The following MFRP variants were observed in gnomAD, a reference collection of about 807,000 sequenced individuals.
MFRP encodes C1q and TNF related 5.
Under a neutral mutation model 65.8 loss-of-function variants are expected in MFRP, and 74 were observed. That is an observed-to-expected ratio of 1.12 (90% CI 0.93 to 1.36). MFRP has a LOEUF of 1.36. MFRP is among the 40% of genes most tolerant of loss of function. The pLI, the probability that MFRP is intolerant of heterozygous loss-of-function variation, is 0.00. For missense variants in MFRP, 838 were observed against 736.0 expected (o/e 1.14, Z -1.60); for synonymous variants, 336 against 288.3 (o/e 1.17, Z -1.68).
chr11:119,345,569 G>C lies in MFRP; in HGVS notation c.492C>G (p.Tyr164Ter), dbSNP rs36015759. ...GCCACACGCAGTGGGTGTTGGGGGGGTAAGGGTCTGGGTAGTTAGGGCTGC... is the reference window on the plus strand; with the variant it reads ...GCCACACGCAGTGGGTGTTGGGGGGCTAAGGGTCTGGGTAGTTAGGGCTGC... ...FFSSPNYPDPYPPNTHCVWHI... is the reference protein window; with the variant it reads ...FFSSPNYPDP Residue 164 changes from tyrosine to a stop codon, truncating the protein, a stop_gained, in exon 5 of 15, where the codon TAC (tyrosine) becomes TAG (stop). Transcript: ENST00000619721. LOFTEE classifies it high-confidence loss of function. 1 of 1,613,764 alleles carries C rather than the reference G, an allele frequency of 6.2e-7. No homozygotes were observed. The highest frequency in any genetic ancestry group is 8.5e-7 in the Non-Finnish European group (1 of 1,179,956).
At position 119,345,006 on chromosome 11, in the gene MFRP, T is replaced by C. The variant is rs376898612; in HGVS notation, c.642-2A>G. The C allele has an allele frequency of 2.2e-4, 349 of 1,603,336 alleles. No individual in the cohort carries two copies. Among genetic ancestry groups the C allele is most frequent in the Non-Finnish European group, 2.9e-4 (337 of 1,176,250 alleles). On this transcript the variant is annotated splice_acceptor_variant, in intron 5 of 14. Transcript: ENST00000619721. LOFTEE classifies it high-confidence loss of function. ...GGGGGAGGCACCCTTCCACAAACCCTGCAAGAAGCCAGGTTGGGGGTGAGG... is the reference window on the plus strand; with the variant it reads ...GGGGGAGGCACCCTTCCACAAACCCCGCAAGAAGCCAGGTTGGGGGTGAGG...
In MFRP at chr11:119,341,412, T is replaced by C; in HGVS notation, c.*136A>G. ...GTCCCATGAGCCCCAGCTGAGGACT[T>C]CTCTTCCCCCTCCCTGGGAGCCCCA... On this transcript the variant is annotated 3_prime_UTR_variant, in exon 13 of 15. Coordinates refer to ENST00000619721, the MANE Select transcript of MFRP (RefSeq NM_031433.4). 1.4e-6 allele frequency: 1 copy of C among 726,564 alleles called. No individual in the cohort carries two copies. Among genetic ancestry groups the C allele is most frequent in the Non-Finnish European group, 2.3e-6 (1 of 444,246 alleles). The allele number at this position is 726,564 out of a possible 1,614,324, so 45.0% of individuals were successfully genotyped here.
At chr11:119,344,417 A>C (rs374356093) in intron 7 of MFRP, 26 bp from the exon 8 acceptor site, 35 of 1,607,660 alleles carry the variant, frequency 2.2e-5, no homozygotes, top group Non-Finnish European at 2.6e-5. Context: ...AGGGCTCATG[A>C]GTTTGCTAGG....
Position 119,340,850 on chromosome 11 carries a change from C to T in MFRP, c.*698G>A, listed in dbSNP as rs75463316. 312 of 189,838 alleles carry T rather than the reference C, an allele frequency of 1.6e-3. 9 individuals carry two copies. In the East Asian group the frequency reaches 0.036, roughly 22 times the overall value. The allele number at this position is 189,838 out of a possible 1,614,324, so 11.8% of individuals were successfully genotyped here. A position where few individuals can be genotyped will look rare whatever the true frequency, so the allele number is the denominator to read the frequency against. The stretch of plus-strand genomic sequence containing the variant: ...TTCGCTCCCTGCCGGCTCCGCTTTC[C>T]TCCTCCCAGACTCCAAGAGGAAACC... On this transcript the variant is annotated 3_prime_UTR_variant, in exon 13 of 15. Coordinates refer to ENST00000619721, the MANE Select transcript of MFRP (RefSeq NM_031433.4).
rs774932318 is a variant in MFRP at position 119,345,620 on chromosome 11, G to A, written c.441C>T (p.Leu147=). The change falls in exon 5 of 15, where the codon CTC becomes CTT. Residue 147 remains leucine (L), a synonymous_variant. Coordinates refer to ENST00000619721, the MANE Select transcript of MFRP (RefSeq NM_031433.4). ...TGAAGAAGCCCCTTGGGCCAGAGAG[G>A]AGGCCTCCACAGGCTGCAGAGATGG... ...SPSPQSTCGG[L]LSGPRGFFSS... 3.7e-6 allele frequency: 6 copies of A among 1,613,742 alleles called. No homozygotes were observed. Among genetic ancestry groups the A allele is most frequent in the Non-Finnish European group, 5.1e-6 (6 of 1,179,966 alleles).
At position 119,340,253 on chromosome 11, in the gene MFRP, G is replaced by T; in HGVS notation, c.*1041C>A. On this transcript the variant is annotated 3_prime_UTR_variant, in exon 14 of 15. Transcript: ENST00000619721. ...CCGTCGCGGCCGTCGCGGCCATCGC[G>T]GCCCGGCAAGCCCTGGCTGCCATGG... The T allele has an allele frequency of 1.3e-6, 2 of 1,515,970 alleles. No individual in the cohort carries two copies. The highest frequency in any genetic ancestry group is 1.8e-6 in the Non-Finnish European group (2 of 1,134,926). 93.9% of individuals were successfully genotyped at this position (1,515,970 alleles called of 1,614,324 possible). A position where few individuals can be genotyped will look rare whatever the true frequency, so the allele number is the denominator to read the frequency against.
chr11:119,346,480 C>G lies in MFRP; in HGVS notation c.34G>C (p.Glu12Gln). 6.2e-7 allele frequency: 1 copy of G among 1,614,112 alleles called. No homozygotes were observed. Among genetic ancestry groups the G allele is most frequent in the Non-Finnish European group, 8.5e-7 (1 of 1,180,018 alleles). ...KDFSDVILCM[E>Q]ATESSKTEFC... is the part of the protein sequence containing the mutation. ...CTTACCTTGCTCGATTCTGTTGCCTCCATGCAGAGGATGACATCTGAGAAG... is the reference window on the plus strand; with the variant it reads ...CTTACCTTGCTCGATTCTGTTGCCTGCATGCAGAGGATGACATCTGAGAAG... The change falls in exon 1 of 15, where the codon GAG becomes CAG. Residue 12 changes from glutamate to glutamine, a missense_variant. Physicochemically the swap from Glu to Gln is conservative, Grantham distance 29. Transcript: ENST00000619721.
Position 119,340,695 on chromosome 11 carries a change from C to G in MFRP, c.*853G>C. 2.3e-6 allele frequency: 1 copy of G among 437,090 alleles called. No homozygotes were observed. The highest frequency in any genetic ancestry group is 4.1e-6 in the Non-Finnish European group (1 of 243,148). 27.1% of individuals were successfully genotyped at this position (437,090 alleles called of 1,614,324 possible). On this transcript the variant is annotated splice_region_variant and 3_prime_UTR_variant, in exon 13 of 15. Coordinates refer to ENST00000619721, the MANE Select transcript of MFRP (RefSeq NM_031433.4). Reference sequence around the variant, plus strand: ...CTTTCCCCTCCTCCGCCAGACTCACCCCCCCTCCCGGCTCCCCGATGGCCT... The same window carrying G: ...CTTTCCCCTCCTCCGCCAGACTCACGCCCCCTCCCGGCTCCCCGATGGCCT...
chr11:119,345,567 G>A lies in MFRP; in HGVS notation c.494C>T (p.Pro165Leu), dbSNP rs369566448. The A allele has an allele frequency of 2.0e-5, 33 of 1,613,930 alleles. No individual in the cohort carries two copies. Among genetic ancestry groups the A allele is most frequent in the African/African-American group, 2.7e-5 (2 of 74,944 alleles). Residue 165 changes from proline to leucine, a missense_variant, in exon 5 of 15, where the codon CCC becomes CTC. Coordinates refer to ENST00000619721, the MANE Select transcript of MFRP (RefSeq NM_031433.4). ...FSSPNYPDPYPPNTHCVWHIQ... is the reference protein window; with the variant it reads ...FSSPNYPDPYLPNTHCVWHIQ... ...ATGCCACACGCAGTGGGTGTTGGGG[G>A]GGTAAGGGTCTGGGTAGTTAGGGCT...
intron 13 of MFRP, 75 bp downstream of exon 13, chr11:119,340,620 C>T (rs1408240962): frequency 1.8e-6 from 1 of 555,538 alleles, no homozygotes; most frequent in Non-Finnish European, 3.2e-6. Flanking sequence ...CCAGCCCTCC[C>T]TCCCACCGCC....
chr11:119,340,042 G>T, intron 14 of MFRP, 142 bp downstream of exon 14: 1 of 1,254,704 alleles, frequency 8.0e-7, no homozygotes, highest in Non-Finnish European at 1.0e-6. Context: ...CCCGCCGCCT[G>T]GGCCCCTCCC....
Position 119,343,825 on chromosome 11 carries a change from A to G in MFRP, c.1115T>C (p.Leu372Pro), listed in dbSNP as rs527368780. ...TCCCTGGCTCCTGTACCTGCCCAGG[A>G]GGCTGAAGGCCCCTGAGCTGCTGGT... is the stretch of plus-strand genomic sequence containing the variant. ...YETSSSGAFS[L>P]LGRFCGAEPP... Residue 372 changes from leucine (L) to proline (P), a missense_variant, in exon 9 of 15, where the codon CTC (leucine) becomes CCC (proline). Physicochemically the swap from Leu to Pro is moderately conservative, Grantham distance 98 (BLOSUM62 -3). Transcript: ENST00000619721. The G allele has an allele frequency of 3.7e-6, 6 of 1,613,900 alleles. No homozygotes were observed. In the East Asian group the frequency reaches 6.7e-5, roughly 18 times the overall value.
rs1362731701 is a variant in MFRP at position 119,346,468 on chromosome 11, A to C, written c.46T>G (p.Ser16Ala). ...DVILCMEATESSKTEFCNPAF... is the reference protein window; with the variant it reads ...DVILCMEATEASKTEFCNPAF... ...TTCTATGTGGTCCTTACCTTGCTCG[A>C]TTCTGTTGCCTCCATGCAGAGGATG... Residue 16 changes from serine (S) to alanine (A), a missense_variant, in exon 1 of 15, where the codon TCG (serine) becomes GCG (alanine). Coordinates refer to ENST00000619721, the MANE Select transcript of MFRP (RefSeq NM_031433.4). 14 of 1,613,990 alleles carry C rather than the reference A, an allele frequency of 8.7e-6. No homozygotes were observed. The East Asian group carries it at 3.1e-4, about 36-fold the overall frequency.
chr11:119,341,641 G>A lies in MFRP; in HGVS notation c.1647C>T (p.Cys549=), dbSNP rs772859907. The stretch of plus-strand genomic sequence containing the variant: ...TGCCCAGTAGTGCCAGGCCAGACTG[G>A]CACTGGTGCTCCGCTTCCTGGCAGA... ...RSVCQEAEHQ[C]QSGLALLGTP... Residue 549 remains cysteine (C), a synonymous_variant, in exon 13 of 15, where the codon TGC becomes TGT. Coordinates refer to ENST00000619721, the MANE Select transcript of MFRP (RefSeq NM_031433.4). The A allele has an allele frequency of 6.2e-7, 1 of 1,612,986 alleles. No individual in the cohort carries two copies. Among genetic ancestry groups the A allele is most frequent in the Non-Finnish European group, 8.5e-7 (1 of 1,180,018 alleles).
At chr11:119,344,052 G>A (rs1950531895) in intron 8 of MFRP, 88 bp from the exon 9 acceptor site, 1 of 1,526,864 alleles carries the variant, frequency 6.5e-7, no homozygotes, top group Non-Finnish European at 9.0e-7. Context: ...CCCACTGCTG[G>A]CTGGGGGGAT....
At position 119,339,822 on chromosome 11, in the gene MFRP, C is replaced by A. The variant is rs1256466094; in HGVS notation, c.*1137G>T. The A allele has an allele frequency of 2.0e-6, 3 of 1,515,236 alleles. No homozygotes were observed. The South Asian group carries it at 3.7e-5, about 19-fold the overall frequency. 93.9% of individuals were successfully genotyped at this position (1,515,236 alleles called of 1,614,324 possible). On this transcript the variant is annotated 3_prime_UTR_variant, in exon 15 of 15. Coordinates refer to ENST00000619721, the MANE Select transcript of MFRP (RefSeq NM_031433.4). This position sits in a 1 kb window ranked among gnomAD's most constrained non-coding sequence, Gnocchi z 5.4. ...GCGGGTCCCGCCTCTCCTCGCGGCC[C>A]GGGGTCCCCTCGAGGTCCCGGCAGT...
intron 9 of MFRP, 142 bp downstream of exon 9, chr11:119,343,674 A>T: frequency 9.6e-7 from 1 of 1,037,252 alleles, no homozygotes; most frequent in Non-Finnish European, 1.5e-6. Context: ...AGCTGTCTTT[A>T]GGGTGATGGT....
rs905681288 is a variant in MFRP at position 119,342,737 on chromosome 11, C to A, written c.1256-10G>T. ...CTGGGCCCACAGGGGTCTGCAGGCA[C>A]AAGGGGCATGGCAGTGCCCGGGGAC... On this transcript the variant is annotated splice_polypyrimidine_tract_variant and intron_variant, in intron 10 of 14. Coordinates refer to ENST00000619721, the MANE Select transcript of MFRP (RefSeq NM_031433.4). 2 of 1,613,464 alleles carry A rather than the reference C, an allele frequency of 1.2e-6. No homozygotes were observed. Among genetic ancestry groups the A allele is most frequent in the Non-Finnish European group, 1.7e-6 (2 of 1,179,970 alleles).
Position 119,341,595 on chromosome 11 carries a change from T to G in MFRP, c.1693A>C (p.Asn565His). The change falls in exon 13 of 15, where the codon AAC (asparagine) becomes CAC (histidine). Residue 565 changes from asparagine to histidine, a missense_variant. Coordinates refer to ENST00000619721, the MANE Select transcript of MFRP (RefSeq NM_031433.4). ...AGGTCAGCTGCCTCTGGCAGCCTGT[T>G]GCAGTTGAAGGGCCAGGGGGTGCCC... ...LLGTPWPFNC[N>H]RLPEAADLEA... The G allele has an allele frequency of 2.5e-6, 4 of 1,612,974 alleles. No homozygotes were observed. Among genetic ancestry groups the G allele is most frequent in the Non-Finnish European group, 3.4e-6 (4 of 1,180,014 alleles).
Sources: gnomAD v4.1 joint callset for allele counts on GRCh38, gnomAD v4.1.1 for gene constraint, Gnocchi (gnomAD v3.1) non-coding constraint, MANE v1.5 for transcripts, NCBI Gene and HGNC (gene_info 2026-07-23, HGNC 2026-07-21) for gene names.